The following PLEKHG1 variants were observed in gnomAD, a reference collection of about 807,000 sequenced individuals.
PLEKHG1 encodes pleckstrin homology domain-containing family G member 1.
Under a neutral mutation model 100.8 loss-of-function variants are expected in PLEKHG1, and 44 were observed. That is an observed-to-expected ratio of 0.44 (90% confidence interval 0.34 to 0.56). The LOEUF is 0.56. Ranked by LOEUF, PLEKHG1 falls within the 20% of genes least tolerant of loss-of-function variation. The pLI is 0.01. For synonymous variants in PLEKHG1, 640 were observed against 662.5 expected (o/e 0.97, Z 0.52); for missense variants, 1,545 against 1,720.9 (o/e 0.90, Z 1.81).
chr6:150,704,961 A>G (rs1780945366), intron 3 of PLEKHG1, among the ~76,000 whole-genome samples: 1 of 152,148 alleles, frequency 6.6e-6, no homozygotes, highest in African/African-American at 2.4e-5. Context: ...GTCCTGTTGG[A>G]CTAGAGCCCC....
intron 2 of PLEKHG1, among the ~76,000 whole-genome samples, chr6:150,638,614 A>C (rs1346678712): frequency 6.6e-6 from 1 of 152,194 alleles, no homozygotes; most frequent in Admixed American, 6.5e-5. Context: ...GAGGATGGAG[A>C]GTTCTGGGGG....
At chr6:150,780,001 A>C (rs1379589599) in intron 3 of PLEKHG1, among the ~76,000 whole-genome samples, 2 of 151,794 alleles carry the variant, frequency 1.3e-5, no homozygotes, top group East Asian at 3.9e-4. Context: ...GAGTCCGCTC[A>C]CAGTTCTTCT....
intron 4 of PLEKHG1, among the ~76,000 whole-genome samples, chr6:150,789,763 G>A (rs117973605): frequency 0.011 from 1,640 of 152,274 alleles, 19 homozygotes; most frequent in Non-Finnish European, 0.018. Flanking sequence ...AAAAGTATGA[G>A]CCAATCAGAG....
At chr6:150,826,929 G>A (rs557828717) in intron 14 of PLEKHG1, among the ~76,000 whole-genome samples, 6 of 152,180 alleles carry the variant, frequency 3.9e-5, no homozygotes, top group South Asian at 2.1e-4. Flanking sequence ...GTGTATCACC[G>A]TGTCCAGCCT....
Position 150,644,991 on chromosome 6 carries a change from A to G in PLEKHG1, c.-157-5737A>G, listed in dbSNP as rs185896257. ...CATGTTTTTGGTGGAACTTACATTAATTCTAAAATGTATACAGAACAAAGA... is the reference window on the plus strand; with the variant it reads ...CATGTTTTTGGTGGAACTTACATTAGTTCTAAAATGTATACAGAACAAAGA... On this transcript the variant is annotated intron_variant, in intron 2 of 3. Coordinates refer to the PLEKHG1 transcript ENST00000367326. Among the ~76,000 whole-genome samples the G allele has an allele frequency of 7.4e-4, 113 of 152,318 alleles. 1 individual carries two copies. Among genetic ancestry groups the G allele is most frequent in the African/African-American group, 2.5e-3 (106 of 41,570 alleles).
At chr6:150,823,371 C>T (rs549673661) in intron 13 of PLEKHG1, among the ~76,000 whole-genome samples, 73 of 152,232 alleles carry the variant, frequency 4.8e-4, no homozygotes, top group African/African-American at 1.7e-3. Context: ...CATTTTTGTT[C>T]GGAAGCTTTT....
chr6:150,635,869 T>C (rs1316351111), intron 1 of PLEKHG1, among the ~76,000 whole-genome samples: 1 of 152,218 alleles, frequency 6.6e-6, no homozygotes, highest in East Asian at 1.9e-4. Flanking sequence ...TTAAGGCCCC[T>C]GGTTTCATGC....
At chr6:150,656,745 C>T (rs369794586) in intron 3 of PLEKHG1, among the ~76,000 whole-genome samples, 3 of 152,162 alleles carry the variant, frequency 2.0e-5, no homozygotes, top group Non-Finnish European at 4.4e-5. Context: ...TCAACTATGG[C>T]GAAGAGAAGT....
At chr6:150,797,971 A>T (rs961307881) in intron 5 of PLEKHG1, among the ~76,000 whole-genome samples, 2 of 152,032 alleles carry the variant, frequency 1.3e-5, no homozygotes, top group African/African-American at 4.8e-5. Context: ...AAAACAAAAC[A>T]AAATAAATAA....
At chr6:150,643,765 A>G (rs1778368630) in intron 2 of PLEKHG1, among the ~76,000 whole-genome samples, 1 of 152,164 alleles carries the variant, frequency 6.6e-6, no homozygotes, top group South Asian at 2.1e-4. Context: ...TACATAATTG[A>G]ATCAAATGAT....
intron 2 of PLEKHG1, among the ~76,000 whole-genome samples, chr6:150,746,616 A>G (rs1183927861): frequency 6.6e-6 from 1 of 152,250 alleles, no homozygotes; most frequent in African/African-American, 2.4e-5. Context: ...AACTAGCATG[A>G]TTACTTGTAA....
At chr6:150,798,772 G>A (rs1343320618) in intron 5 of PLEKHG1, among the ~76,000 whole-genome samples, 1 of 152,132 alleles carries the variant, frequency 6.6e-6, no homozygotes, top group Non-Finnish European at 1.5e-5. Flanking sequence ...TTAGAGTCTC[G>A]CTCTGTTGCC....
chr6:150,826,914 C>T (rs1424863557), intron 14 of PLEKHG1, among the ~76,000 whole-genome samples: 15 of 152,194 alleles, frequency 9.9e-5, no homozygotes, highest in Non-Finnish European at 1.5e-5. Flanking sequence ...GCTGGGATTA[C>T]AGGTGTGTAT....
intron 1 of PLEKHG1, among the ~76,000 whole-genome samples, chr6:150,607,656 T>G (rs373318939): frequency 1.3e-5 from 2 of 151,962 alleles, no homozygotes; most frequent in Admixed American, 6.6e-5. Context: ...GTGGTAGGGG[T>G]GATATTAGAG....
intron 12 of PLEKHG1, among the ~76,000 whole-genome samples, chr6:150,820,141 G>A (rs774769669): frequency 9.9e-5 from 15 of 151,622 alleles, no homozygotes; most frequent in Non-Finnish European, 1.6e-4. Context: ...CCCAGGAGAC[G>A]GAGGTTGCAG....
At chr6:150,776,021 G>A (rs1430257482) in intron 3 of PLEKHG1, among the ~76,000 whole-genome samples, 3 of 152,088 alleles carry the variant, frequency 2.0e-5, no homozygotes, top group Non-Finnish European at 2.9e-5. Flanking sequence ...GGGAGGGGCC[G>A]CATCCTCGAA....
intron 2 of PLEKHG1, among the ~76,000 whole-genome samples, chr6:150,764,731 G>T (rs543394490): frequency 1.6e-4 from 24 of 151,410 alleles, no homozygotes; most frequent in African/African-American, 5.8e-4. Flanking sequence ...TCCTCCTTTC[G>T]CTGTGTTGAA....
intron 3 of PLEKHG1, among the ~76,000 whole-genome samples, chr6:150,660,869 T>G (rs1295921187): frequency 6.6e-6 from 1 of 152,236 alleles, no homozygotes; most frequent in Non-Finnish European, 1.5e-5. Flanking sequence ...ATTTTGCCAG[T>G]GTTTTGCCTA....
At chr6:150,794,463 CGA>C (rs1368283764) in intron 4 of PLEKHG1, among the ~76,000 whole-genome samples, 1 of 152,000 alleles carries the variant, frequency 6.6e-6, no homozygotes, top group Non-Finnish European at 1.5e-5. Flanking sequence ...GCCAGGAGTT[CGA>C]GACCAGCCTG....
Sources: gnomAD v4.1 joint callset for allele counts (sites outside exome capture counted in the v4.1 genomes callset) on GRCh38, gnomAD v4.1.1 for gene constraint, MANE v1.5 for transcripts, NCBI Gene and HGNC (gene_info 2026-07-23, HGNC 2026-07-21) for gene names.